Variants in LMO2 observed in about 807,000 individuals in gnomAD.
The protein encoded by LMO2 is rhombotin-2.
In LMO2, 20 loss-of-function variants were observed where a neutral mutation model predicts 23.2. The ratio of observed to expected loss-of-function variants is 0.86; its 90% CI spans 0.61 to 1.25. The LOEUF (loss-of-function observed/expected upper bound fraction) is 1.25. LMO2 is among the 50% of genes most tolerant of loss of function. The pLI, the probability that LMO2 is intolerant of heterozygous loss-of-function variation, is 0.00. For synonymous variants in LMO2, 123 were observed against 130.2 expected, an observed-to-expected ratio of 0.94 and a Z score of 0.38; for missense variants, 270 against 315.3, an observed-to-expected ratio of 0.86 and a Z score of 1.09.
chr11:33,873,370 C>T (rs1392915622), intron 2 of LMO2, among the ~76,000 whole-genome samples: 1 of 152,166 alleles, frequency 6.6e-6, no homozygotes, highest in Non-Finnish European at 1.5e-5. Flanking sequence ...ATTTCACACA[C>T]AGTGGTTGTA....
Position 33,869,435 on chromosome 11 carries a change from G to A in LMO2, c.159C>T (p.Arg53=). The change falls in exon 4 of 6, where the codon CGC becomes CGT. Residue 53 remains arginine (R), a synonymous_variant. Coordinates refer to ENST00000257818, the MANE Select transcript of LMO2 (RefSeq NM_005574.4). ...GCGGCGGGGGCGCTCCCTTTGTGGCGCGGGGCTGGCCGGCTGCCGGGGCTC... is the reference window on the plus strand; with the variant it reads ...GCGGCGGGGGCGCTCCCTTTGTGGCACGGGGCTGGCCGGCTGCCGGGGCTC... ...GVRAPAAGQP[R]ATKGAPPPPG... 8.4e-7 allele frequency: 1 copy of A among 1,196,480 alleles called. No homozygotes were observed. Among genetic ancestry groups the A allele is most frequent in the Non-Finnish European group, 1.0e-6 (1 of 959,558 alleles). The allele number at this position is 1,196,480 out of a possible 1,614,324, so 74.1% of individuals were successfully genotyped here.
chr11:33,882,809 A>T (rs1276890342), intron 1 of LMO2, among the ~76,000 whole-genome samples: 3 of 152,198 alleles, frequency 2.0e-5, no homozygotes, highest in African/African-American at 4.8e-5. Flanking sequence ...AATTTCAATA[A>T]CTTTCCCAGG....
intron 2 of LMO2, among the ~76,000 whole-genome samples, chr11:33,872,946 A>G (rs1422023488): frequency 6.6e-6 from 1 of 151,990 alleles, no homozygotes; most frequent in African/African-American, 2.4e-5. Flanking sequence ...TATTTTTAGT[A>G]GAGACGGGGT....
intron 4 of LMO2, among the ~76,000 whole-genome samples, chr11:33,866,760 T>G (rs1330747707): frequency 6.6e-6 from 1 of 152,196 alleles, no homozygotes; most frequent in Non-Finnish European, 1.5e-5. Flanking sequence ...ATTCTCCCGC[T>G]TCAGCCTCCC....
chr11:33,876,751 C>A (rs1048064533), intron 2 of LMO2, among the ~76,000 whole-genome samples: 1 of 152,162 alleles, frequency 6.6e-6, no homozygotes, highest in Non-Finnish European at 1.5e-5. Context: ...TGAGTAAAAG[C>A]AAAGGCTTTG....
intron 4 of LMO2, 63 bp downstream of exon 4, chr11:33,869,283 C>A (rs1000954731): frequency 1.4e-5 from 16 of 1,112,046 alleles, no homozygotes; most frequent in Non-Finnish European, 1.8e-5. Flanking sequence ...CGGGTCCCCC[C>A]GACGCTCCGG....
intron 4 of LMO2, among the ~76,000 whole-genome samples, chr11:33,865,607 G>A (rs1205692021): frequency 6.6e-6 from 1 of 152,140 alleles, no homozygotes; most frequent in Non-Finnish European, 1.5e-5. Flanking sequence ...AAATTGATTT[G>A]GATAAAGTTG....
At position 33,880,230 on chromosome 11, in the gene LMO2, TATATATATCATATATACACATG is replaced by T. The variant is rs770231963; in HGVS notation, c.-272+1572_-272+1593del. Among the ~76,000 whole-genome samples, 2 of 143,754 alleles carry T rather than the reference TATATATATCATATATACACATG, an allele frequency of 1.4e-5. No homozygotes were observed. The highest frequency in any genetic ancestry group is 5.4e-5 in the African/African-American group (2 of 36,974). 94.3% of individuals were successfully genotyped at this position (143,754 alleles called of 152,430 possible). On this transcript the variant is annotated intron_variant, in intron 2 of 5. Coordinates refer to ENST00000257818, the MANE Select transcript of LMO2 (RefSeq NM_005574.4). This position sits in a 1 kb window ranked among gnomAD's most constrained non-coding sequence, Gnocchi z 4.3. ...ATATATATATCATATATACACATGATATATATATCATATATACACATGATATATATATCATACATACACATGA... is the reference window on the plus strand; with the variant it reads ...ATATATATATCATATATACACATGATATATATATATCATACATACACATGA...
rs1401999474 is a variant in LMO2, at chr11:33,859,105, G to C, written c.*251C>G. The C allele has an allele frequency of 6.3e-6, 3 of 479,642 alleles. No homozygotes were observed. Among genetic ancestry groups the C allele is most frequent in the African/African-American group, 3.8e-5 (2 of 52,132 alleles). The allele number at this position is 479,642 out of a possible 1,614,324, so 29.7% of individuals were successfully genotyped here. A position where few individuals can be genotyped will look rare whatever the true frequency, so the allele number is the denominator to read the frequency against. ...AATGTTCCTTTCTTCTGCTAATCAT[G>C]TCAGTTACTATGGATGGGCTGTGGC... is the stretch of plus-strand genomic sequence containing the variant. On this transcript the variant is annotated 3_prime_UTR_variant, in exon 6 of 6. Transcript: ENST00000257818.
chr11:33,869,775 C>A lies in LMO2; in HGVS notation c.-59G>T. ...TCGCGCGCTGTCGCCGGCTCCGCGCCGCCCGCGGGGATGGTGTGCGCCCGC... is the reference window on the plus strand; with the variant it reads ...TCGCGCGCTGTCGCCGGCTCCGCGCAGCCCGCGGGGATGGTGTGCGCCCGC... On this transcript the variant is annotated 5_prime_UTR_variant, in exon 3 of 6. Transcript: ENST00000257818. The A allele has an allele frequency of 8.5e-7, 1 of 1,172,346 alleles. No individual in the cohort carries two copies. Among genetic ancestry groups the A allele is most frequent in the South Asian group, 3.6e-5 (1 of 27,636 alleles). 72.6% of individuals were successfully genotyped at this position (1,172,346 alleles called of 1,614,324 possible). A position where few individuals can be genotyped will look rare whatever the true frequency, so the allele number is the denominator to read the frequency against.
chr11:33,890,966 A>G (rs1857532521), intron 1 of LMO2, among the ~76,000 whole-genome samples: 1 of 152,226 alleles, frequency 6.6e-6, no homozygotes, highest in Admixed American at 6.5e-5. Flanking sequence ...AGGGCAACCT[A>G]AAGAAGTATG....
At position 33,880,285 on chromosome 11, in the gene LMO2, C is replaced by CATATATACACATGATAT. The variant is rs1565034799; in HGVS notation, c.-272+1538_-272+1539insATATCATGTGTATATAT. On this transcript the variant is annotated intron_variant, in intron 2 of 5. Transcript: ENST00000257818. This position sits in a 1 kb window ranked among gnomAD's most constrained non-coding sequence, Gnocchi z 4.3. ...TATCATACATACACATGATATATAT[C>CATATATACACATGATAT]ATATATATCATATATATACATATCA... Among the ~76,000 whole-genome samples the CATATATACACATGATAT allele has an allele frequency of 3.7e-5, 2 of 53,592 alleles. No individual in the cohort carries two copies. The highest frequency in any genetic ancestry group is 1.2e-3 in the East Asian group (2 of 1,702). 35.2% of individuals were successfully genotyped at this position (53,592 alleles called of 152,430 possible).
intron 5 of LMO2, among the ~76,000 whole-genome samples, chr11:33,863,035 T>C (rs928319502): frequency 6.6e-6 from 1 of 151,970 alleles, no homozygotes; most frequent in African/African-American, 2.4e-5. Flanking sequence ...TATAAAACGG[T>C]AGAGATAGGG....
At chr11:33,859,985 G>C (rs1403646817) in intron 5 of LMO2, among the ~76,000 whole-genome samples, 1 of 152,136 alleles carries the variant, frequency 6.6e-6, no homozygotes. Flanking sequence ...GCCCCTTTGA[G>C]AGGGTACTGA....
At chr11:33,888,909 A>G (rs1857477443) in intron 1 of LMO2, among the ~76,000 whole-genome samples, 1 of 152,216 alleles carries the variant, frequency 6.6e-6, no homozygotes, top group South Asian at 2.1e-4. Context: ...ATTCAATGAA[A>G]GGGAAAACTG....
At chr11:33,862,868 T>G (rs781447122) in intron 5 of LMO2, among the ~76,000 whole-genome samples, 4 of 152,098 alleles carry the variant, frequency 2.6e-5, no homozygotes, top group Admixed American at 6.5e-5. Flanking sequence ...ATTAACATGT[T>G]GCCTAGGAAT....
rs576755128 is a variant in LMO2, at chr11:33,858,966, C to T, written c.*390G>A. On this transcript the variant is annotated 3_prime_UTR_variant, in exon 6 of 6. Transcript: ENST00000257818. ...TTAAAAAGCCAGGAAGAAAAGAAAT[C>T]AATTGCACATCTCTAGTTCGCAAGC... 26 of 256,868 alleles carry T rather than the reference C, an allele frequency of 1.0e-4. No homozygotes were observed. The East Asian group carries it at 1.4e-3, about 14-fold the overall frequency. The allele number at this position is 256,868 out of a possible 1,614,324, so 15.9% of individuals were successfully genotyped here.
At chr11:33,890,054 A>G (rs867445130) in intron 1 of LMO2, among the ~76,000 whole-genome samples, 3 of 152,368 alleles carry the variant, frequency 2.0e-5, no homozygotes, top group South Asian at 2.1e-4. Flanking sequence ...TGAAAGACAA[A>G]TATCACACTG....
chr11:33,888,098 T>A (rs1394321289), intron 1 of LMO2, among the ~76,000 whole-genome samples: 1 of 152,202 alleles, frequency 6.6e-6, no homozygotes, highest in African/African-American at 2.4e-5. Flanking sequence ...CCAAGACTTG[T>A]CTGCAGGAGA....
Sources: allele counts gnomAD v4.1 joint callset (sites outside exome capture counted in the v4.1 genomes callset), GRCh38; gene constraint gnomAD v4.1.1; non-coding constraint Gnocchi (gnomAD v3.1); transcripts MANE v1.5; gene names NCBI Gene and HGNC (gene_info 2026-07-23, HGNC 2026-07-21).